XDH: variants seen among roughly 807,000 people sequenced by gnomAD.
XDH encodes xanthine dehydrogenase/oxidase.
Under a neutral mutation model 156.1 loss-of-function variants are expected in XDH, and 138 were observed. The ratio of observed to expected loss-of-function variants is 0.88; its 90% CI spans 0.77 to 1.02. The LOEUF (loss-of-function observed/expected upper bound fraction) is 1.02. Among genes scored for constraint, XDH ranks in the 50% least tolerant of loss-of-function variants. XDH has a pLI of 0.00. For missense variants in XDH, 1,849 were observed against 1,684.9 expected (o/e 1.10, Z -1.71); for synonymous variants, 669 against 625.7 (o/e 1.07, Z -1.03).
At position 31,405,955 on chromosome 2, in the gene XDH, T is replaced by C; in HGVS notation, c.52A>G (p.Lys18Glu). 6.2e-7 allele frequency: 1 copy of C among 1,614,134 alleles called. No homozygotes were observed. Among genetic ancestry groups the C allele is most frequent in the Non-Finnish European group, 8.5e-7 (1 of 1,180,006 alleles). ...AGGGTTGTCTCTGGATCTGCATTTT[T>C]CTCCACCACCTATTAAAATAAATGA... ...FFVNGRKVVE[K>E]NADPETTLLA... Residue 18 changes from lysine to glutamate, a missense_variant, in exon 2 of 36, where the codon AAA (lysine) becomes GAA (glutamate). By Grantham distance (56) the Lys-to-Glu change is moderately conservative. Transcript: ENST00000379416.
intron 34 of XDH, 102 bp from the exon 35 acceptor site, chr2:31,337,919 G>A: frequency 7.5e-7 from 1 of 1,325,660 alleles, no homozygotes; most frequent in Non-Finnish European, 1.0e-6. Flanking sequence ...TGCACGAGGA[G>A]GGCTGGTGGC....
intron 16 of XDH, among the ~76,000 whole-genome samples, chr2:31,373,624 AAAT>A (rs1686141528): frequency 6.6e-6 from 1 of 152,162 alleles, no homozygotes; most frequent in Non-Finnish European, 1.5e-5. Flanking sequence ...TAAAAAAAAA[AAAT>A]CTGTAAGGAA....
chr2:31,379,978 TG>T lies in XDH; in HGVS notation c.1133-3del. ...CCATCTGGACAGTTCTCCTGGTGCC[TG>T]TACAGAAGCAAGATGAAGAGGAGCC... On this transcript the variant is annotated splice_region_variant and splice_polypyrimidine_tract_variant and intron_variant, in intron 12 of 35. Coordinates refer to ENST00000379416, the MANE Select transcript of XDH (RefSeq NM_000379.4). 1.2e-6 allele frequency: 2 copies of T among 1,613,802 alleles called. No homozygotes were observed. Among genetic ancestry groups the T allele is most frequent in the Non-Finnish European group, 1.7e-6 (2 of 1,179,948 alleles).
At chr2:31,385,963 A>G (rs1263079242) in intron 9 of XDH, among the ~76,000 whole-genome samples, 1 of 152,202 alleles carries the variant, frequency 6.6e-6, no homozygotes, top group Non-Finnish European at 1.5e-5. Flanking sequence ...CCCTTAGACT[A>G]GAAGGCCCTT....
At chr2:31,405,812 G>C (rs61697027) in intron 2 of XDH, 95 bp downstream of exon 2, 1 of 1,452,350 alleles carries the variant, frequency 6.9e-7, no homozygotes, top group East Asian at 2.3e-5. Context: ...ACACCTCAAG[G>C]CCACCCCACC....
intron 35 of XDH, among the ~76,000 whole-genome samples, chr2:31,336,219 C>T (rs1004648518): frequency 3.3e-5 from 5 of 152,216 alleles, no homozygotes; most frequent in African/African-American, 7.2e-5. Flanking sequence ...ACATGGCAGG[C>T]GTTCTATTAG....
chr2:31,391,342 T>C (rs1007952386), intron 6 of XDH, among the ~76,000 whole-genome samples: 1 of 152,184 alleles, frequency 6.6e-6, no homozygotes, highest in African/African-American at 2.4e-5. Flanking sequence ...GTCCATTCTT[T>C]TGTCCATTCT....
chr2:31,343,308 A>ATGTT (rs529785037), intron 31 of XDH, among the ~76,000 whole-genome samples: 16 of 98,486 alleles, frequency 1.6e-4, no homozygotes, highest in Middle Eastern at 6.5e-3. Context: ...ATATATATAT[A>ATGTT]TATATATATA....
At position 31,386,509 on chromosome 2, in the gene XDH, C is replaced by A. The variant is rs201194179; in HGVS notation, c.698G>T (p.Arg233Leu). Residue 233 changes from arginine to leucine, a missense_variant, in exon 9 of 36, where the codon CGT (arginine) becomes CTT (leucine). By Grantham distance (102) the Arg-to-Leu change is moderately radical (BLOSUM62 -2). Transcript: ENST00000379416. Reference protein sequence around the residue: ...PRKQLRFEGERVTWIQASTLK... With the variant: ...PRKQLRFEGELVTWIQASTLK... ...GGTTGAGGCCTGTATCCACGTCACA[C>A]GCTCCCCTTCAAATCGCAGCTGCTT... The A allele has an allele frequency of 2.0e-5, 33 of 1,614,126 alleles. No homozygotes were observed. The highest frequency in any genetic ancestry group is 2.7e-5 in the Non-Finnish European group (32 of 1,180,018).
chr2:31,398,294 C>T (rs998643977), intron 5 of XDH, among the ~76,000 whole-genome samples: 1 of 152,194 alleles, frequency 6.6e-6, no homozygotes, highest in Non-Finnish European at 1.5e-5. Context: ...ACCAGCCATG[C>T]ACTGCCAACC....
At chr2:31,389,415 G>T (rs538308025) in intron 6 of XDH, among the ~76,000 whole-genome samples, 1 of 152,150 alleles carries the variant, frequency 6.6e-6, no homozygotes, top group Non-Finnish European at 1.5e-5. Context: ...CACCAGACCT[G>T]CTCCGTCCAT....
At chr2:31,343,813 G>A (rs1014844754) in intron 31 of XDH, among the ~76,000 whole-genome samples, 2 of 106,392 alleles carry the variant, frequency 1.9e-5, no homozygotes. Flanking sequence ...ACATATATAT[G>A]CCTAACATAT....
At chr2:31,385,295 T>A (rs1032958988) in intron 9 of XDH, among the ~76,000 whole-genome samples, 8 of 152,208 alleles carry the variant, frequency 5.3e-5, no homozygotes, top group Non-Finnish European at 1.2e-4. Context: ...GCCATGGCCA[T>A]CAAGATCACA....
chr2:31,354,311 G>A lies in XDH; in HGVS notation c.2632-4088C>T, dbSNP rs566347732. 1.1e-3 allele frequency among the ~76,000 whole-genome samples: 162 copies of A among 152,242 alleles called. 1 individual carries two copies. Among genetic ancestry groups the A allele is most frequent in the Non-Finnish European group, 1.8e-3 (123 of 68,026 alleles). On this transcript the variant is annotated intron_variant, in intron 24 of 35. Transcript: ENST00000379416. ...AATAGATCCAAGCTCTCAGAACATC[G>A]TCATCACCACCATCATCTGTACATT...
rs1036601125 is a variant in XDH at position 31,397,790 on chromosome 2, G to A, written c.434-61C>T. ...GGGCCCTGGGATGGGTGAGGAGTTT[G>A]TGACTTTGCTTGCAACTAAGTTGGG... On this transcript the variant is annotated intron_variant, in intron 5 of 35. Transcript: ENST00000379416. The A allele has an allele frequency of 1.9e-6, 3 of 1,601,630 alleles. No individual in the cohort carries two copies. In the Admixed American group the frequency reaches 5.0e-5, roughly 27 times the overall value.
In XDH at chr2:31,366,986, A is replaced by C; in HGVS notation, c.2206T>G (p.Tyr736Asp). The C allele has an allele frequency of 6.2e-7, 1 of 1,614,086 alleles. No individual in the cohort carries two copies. The highest frequency in any genetic ancestry group is 1.1e-5 in the South Asian group (1 of 91,072). ...EADNVVSGEI[Y>D]IGGQEHFYLE... ...TAGAAGTGCTCTTGGCCACCGATGT[A>C]TATCTCCCCTGGGGAAGCAGTGAGA... The change falls in exon 21 of 36, where the codon TAC becomes GAC. Residue 736 changes from tyrosine to aspartate, a missense_variant. Tyr to Asp is a radical substitution (Grantham distance 160). Transcript: ENST00000379416.
At chr2:31,366,832 C>T (rs1685926478) in intron 21 of XDH, 38 bp downstream of exon 21, 2 of 1,613,190 alleles carry the variant, frequency 1.2e-6, no homozygotes, top group South Asian at 1.1e-5. Context: ...CTCCCCGCTA[C>T]CCTGACAGCC....
At chr2:31,386,963 AGAGGGAGGGAGGGAGG>A (rs1686618856) in intron 8 of XDH, among the ~76,000 whole-genome samples, 2 of 46,964 alleles carry the variant, frequency 4.3e-5, no homozygotes, top group Non-Finnish European at 7.9e-5. Context: ...AGGGAGGGAG[AGAGGGAGGGAGGGAGG>A]GAGGGAAGAA....
chr2:31,392,790 G>C (rs1686803071), intron 6 of XDH, among the ~76,000 whole-genome samples: 1 of 152,090 alleles, frequency 6.6e-6, no homozygotes, highest in Middle Eastern at 3.2e-3. Flanking sequence ...TCTAAGCATT[G>C]TTTTCACTGC....
Sources: gnomAD v4.1 joint callset for allele counts (sites outside exome capture counted in the v4.1 genomes callset) on GRCh38, gnomAD v4.1.1 for gene constraint, MANE v1.5 for transcripts, NCBI Gene and HGNC (gene_info 2026-07-23, HGNC 2026-07-21) for gene names.